MBD5: variants seen among roughly 807,000 people sequenced by gnomAD.
MBD5 encodes the protein methyl-CpG-binding domain protein 5.
In MBD5, 13 loss-of-function variants were observed where a neutral mutation model predicts 117.3. The ratio of observed to expected loss-of-function variants is 0.11; its 90% CI spans 0.07 to 0.18. The LOEUF is 0.18. Among genes scored for constraint, MBD5 ranks in the 10% least tolerant of loss-of-function variants. The probability of loss-of-function intolerance (pLI) is 1.00; values close to 1 mark genes in which losing one functional copy is unlikely to be tolerated. For synonymous variants in MBD5, 727 were observed against 766.4 expected, an observed-to-expected ratio of 0.95 and a Z score of 0.85; for missense variants, 1,879 against 2,093.8, an observed-to-expected ratio of 0.90 and a Z score of 2.00.
chr2:148,458,885 AT>A lies in MBD5; in HGVS notation c.113+16del. 6.3e-7 allele frequency: 1 copy of A among 1,591,814 alleles called. No individual in the cohort carries two copies. Among genetic ancestry groups the A allele is most frequent in the Non-Finnish European group, 8.6e-7 (1 of 1,159,920 alleles). On this transcript the variant is annotated intron_variant, in intron 5 of 13. Transcript: ENST00000642680. ...GCTTTATGTCAGGTAAGTTCTTATTATTACCTGTGGTACCTGCAAAGTTGTA... is the reference window on the plus strand; with the variant it reads ...GCTTTATGTCAGGTAAGTTCTTATTATACCTGTGGTACCTGCAAAGTTGTA...
intron 12 of MBD5, among the ~76,000 whole-genome samples, chr2:148,506,878 A>T (rs1252421565): frequency 6.6e-6 from 1 of 152,192 alleles, no homozygotes; most frequent in East Asian, 1.9e-4. Context: ...CTGAATTTTG[A>T]CTAATTGTTC....
intron 1 of MBD5, among the ~76,000 whole-genome samples, chr2:148,166,514 A>T (rs1479122062): frequency 6.6e-6 from 1 of 152,204 alleles, no homozygotes; most frequent in African/African-American, 2.4e-5. Context: ...CTCAGAGCCT[A>T]GTGTTTCTCC....
intron 1 of MBD5, among the ~76,000 whole-genome samples, chr2:148,176,533 C>T (rs1315339323): frequency 2.6e-5 from 4 of 151,668 alleles, no homozygotes; most frequent in Admixed American, 1.3e-4. Flanking sequence ...CTCAGCCTCC[C>T]GAGTAGCTGG....
At chr2:148,146,743 G>A (rs1302161709) in intron 1 of MBD5, among the ~76,000 whole-genome samples, 1 of 152,088 alleles carries the variant, frequency 6.6e-6, no homozygotes, top group East Asian at 1.9e-4. Flanking sequence ...GATGCTGGAT[G>A]GTGTCCCACA....
At chr2:148,214,368 C>T (rs554851426) in intron 2 of MBD5, among the ~76,000 whole-genome samples, 114 of 152,280 alleles carry the variant, frequency 7.5e-4, no homozygotes, top group African/African-American at 2.7e-3. Context: ...TGTCAAATAT[C>T]TTTCCTCTTT....
intron 2 of MBD5, among the ~76,000 whole-genome samples, chr2:148,221,005 T>C (rs1265261317): frequency 6.6e-6 from 1 of 152,154 alleles, no homozygotes; most frequent in Non-Finnish European, 1.5e-5. Flanking sequence ...TTTTGATTTT[T>C]AGATCTCACA....
intron 1 of MBD5, among the ~76,000 whole-genome samples, chr2:148,100,268 A>C (rs1178956034): frequency 6.6e-6 from 1 of 152,210 alleles, no homozygotes; most frequent in African/African-American, 2.4e-5. Flanking sequence ...CCATGCATTG[A>C]CTATGAAAAT....
chr2:148,039,703 A>G (rs1694301440), intron 1 of MBD5, among the ~76,000 whole-genome samples: 1 of 152,130 alleles, frequency 6.6e-6, no homozygotes, highest in African/African-American at 2.4e-5. Flanking sequence ...TATCTTCAAG[A>G]TTAATTTATA....
intron 11 of MBD5, among the ~76,000 whole-genome samples, chr2:148,492,601 T>A (rs1241744775): frequency 1.3e-5 from 2 of 152,090 alleles, no homozygotes; most frequent in African/African-American, 2.4e-5. Context: ...ACCTGTTCCT[T>A]TCAGGACCTA....
intron 1 of MBD5, among the ~76,000 whole-genome samples, chr2:148,043,489 G>T (rs377231767): frequency 4.1e-5 from 4 of 96,712 alleles, no homozygotes; most frequent in Admixed American, 1.1e-4. Flanking sequence ...ATAAATAAAA[G>T]AATAGACTTT....
chr2:148,384,942 A>G (rs1018132489), intron 4 of MBD5, among the ~76,000 whole-genome samples: 11 of 152,102 alleles, frequency 7.2e-5, no homozygotes, highest in Non-Finnish European at 7.3e-5. Context: ...CCTTCCTTAC[A>G]CCTTATACAA....
At chr2:148,159,951 T>G (rs1201560640) in intron 1 of MBD5, among the ~76,000 whole-genome samples, 1 of 152,164 alleles carries the variant, frequency 6.6e-6, no homozygotes, top group Non-Finnish European at 1.5e-5. Context: ...CAGGCAGCAA[T>G]CAAAATTGGC....
chr2:148,412,088 A>G lies in MBD5; in HGVS notation c.-556-46115A>G, dbSNP rs146534036. Among the ~76,000 whole-genome samples, 394 of 152,228 alleles carry G rather than the reference A, an allele frequency of 2.6e-3. 1 individual carries two copies. The highest frequency in any genetic ancestry group is 9.1e-3 in the African/African-American group (379 of 41,530). On this transcript the variant is annotated intron_variant, in intron 4 of 13. Coordinates refer to ENST00000642680, the MANE Select transcript of MBD5 (RefSeq NM_001378120.1). ...CTGCATATGGCTAGCCAGTTATCCC[A>G]TCAACATTTATTGAATGGGGAATCC...
At position 148,150,991 on chromosome 2, in the gene MBD5, G is replaced by A. The variant is rs1452218350; in HGVS notation, c.-924-27709G>A. On this transcript the variant is annotated intron_variant, in intron 1 of 13. Coordinates refer to ENST00000642680, the MANE Select transcript of MBD5 (RefSeq NM_001378120.1). ...TTCCAACACTATGTTGAATAGGAGT[G>A]GTGAGAGAGGGCATCCCTGTCTTGT... Among the ~76,000 whole-genome samples the A allele has an allele frequency of 1.9e-3, 285 of 150,848 alleles. 8 individuals carry two copies. In the East Asian group the frequency reaches 0.053, roughly 28 times the overall value.
intron 2 of MBD5, among the ~76,000 whole-genome samples, chr2:148,185,090 G>A (rs1156754053): frequency 2.6e-5 from 4 of 152,196 alleles, no homozygotes; most frequent in Non-Finnish European, 5.9e-5. Context: ...CTGAGTCCCT[G>A]TAGATATGGG....
At chr2:148,167,703 A>G (rs1698161654) in intron 1 of MBD5, among the ~76,000 whole-genome samples, 1 of 152,210 alleles carries the variant, frequency 6.6e-6, no homozygotes, top group African/African-American at 2.4e-5. Context: ...GTTGATAAAG[A>G]CAACAGCTCA....
At chr2:148,424,086 G>A (rs1390469153) in intron 4 of MBD5, among the ~76,000 whole-genome samples, 1 of 146,986 alleles carries the variant, frequency 6.8e-6, no homozygotes, top group Non-Finnish European at 1.5e-5. Context: ...GCTGAGGCAG[G>A]AGAATGGCAT....
rs1350384744 is a variant in MBD5, at chr2:148,447,271, A to AGG, written c.-556-10932_-556-10931insGG. 7.7e-3 allele frequency among the ~76,000 whole-genome samples: 700 copies of AGG among 91,216 alleles called. 11 individuals are homozygous for AGG. Among genetic ancestry groups the AGG allele is most frequent in the African/African-American group, 0.027 (657 of 24,242 alleles). 59.8% of individuals were successfully genotyped at this position (91,216 alleles called of 152,430 possible). Reference sequence around the variant, plus strand: ...GAGGGAGGAAGGAAGGAAGGAAGGAAAGAAAGTAGAGGATTGAAATTGGAT... The same window carrying AGG: ...GAGGGAGGAAGGAAGGAAGGAAGGAAGGAGAAAGTAGAGGATTGAAATTGGAT... On this transcript the variant is annotated intron_variant, in intron 4 of 13. Transcript: ENST00000642680.
At chr2:148,324,200 A>G (rs1387909196) in intron 3 of MBD5, among the ~76,000 whole-genome samples, 6 of 151,932 alleles carry the variant, frequency 3.9e-5, no homozygotes, top group East Asian at 1.9e-4. Flanking sequence ...CCATTGATCT[A>G]TATCTCTGTT....
Sources: gnomAD v4.1 joint callset for allele counts (sites outside exome capture counted in the v4.1 genomes callset) on GRCh38, gnomAD v4.1.1 for gene constraint, MANE v1.5 for transcripts, NCBI Gene and HGNC (gene_info 2026-07-23, HGNC 2026-07-21) for gene names.